The following GALR3 variants were observed in gnomAD, a reference collection of about 807,000 sequenced individuals.
GALR3 encodes the protein galanin receptor 3.
In GALR3, 5 loss-of-function variants were observed where a neutral mutation model predicts 6.9. That is an observed-to-expected ratio of 0.72 (90% CI 0.38 to 1.52). GALR3 has a LOEUF of 1.52. Ranked by LOEUF, GALR3 falls within the 40% of genes most tolerant of loss-of-function variation. GALR3 has a pLI of 0.03. For missense variants in GALR3, 570 were observed against 545.6 expected (o/e 1.04, Z -0.44); for synonymous variants, 308 against 263.6 (o/e 1.17, Z -1.63).
rs201220537 is a variant in GALR3 at position 37,824,853 on chromosome 22, G to C, written c.490G>C (p.Val164Leu). Residue 164 changes from valine to leucine, a missense_variant, in exon 2 of 2, where the codon GTG (valine) becomes CTG (leucine). Val to Leu is a conservative substitution (Grantham distance 32). Coordinates refer to ENST00000249041, the MANE Select transcript of GALR3 (RefSeq NM_003614.2). ...GCCCTACCTCAGCTACTACGGCACC[G>C]TGCGCTACGGCGCGCTGGAGCTCTG... ...SAPYLSYYGT[V>L]RYGALELCVP... 8.0e-4 allele frequency: 1,130 copies of C among 1,414,328 alleles called. 5 individuals are homozygous for C. The Middle Eastern group carries it at 0.011, about 14-fold the overall frequency. 87.6% of individuals were successfully genotyped at this position (1,414,328 alleles called of 1,614,324 possible). A position where few individuals can be genotyped will look rare whatever the true frequency, so the allele number is the denominator to read the frequency against.
In GALR3 at chr22:37,825,422, C is replaced by G. The variant is rs1922586390; in HGVS notation, c.1059C>G (p.Pro353=). ...LLAGGGQGPE[P]REGPVHGGEA... ...CTGGTGGCGGCCAGGGCCCGGAGCC[C>G]AGGGAGGGACCCGTCCACGGCGGAG... The change falls in exon 2 of 2, where the codon CCC becomes CCG. Residue 353 remains proline (P), a synonymous_variant. Coordinates refer to ENST00000249041, the MANE Select transcript of GALR3 (RefSeq NM_003614.2). 1.4e-6 allele frequency: 2 copies of G among 1,397,338 alleles called. No individual in the cohort carries two copies. Among genetic ancestry groups the G allele is most frequent in the Admixed American group, 5.6e-5 (2 of 35,596 alleles). The allele number at this position is 1,397,338 out of a possible 1,614,324, so 86.6% of individuals were successfully genotyped here.
At chr22:37,823,884 G>A (rs1922516880) in intron 1 of GALR3, 119 bp downstream of exon 1, 1 of 646,990 alleles carries the variant, frequency 1.5e-6, no homozygotes, top group Non-Finnish European at 2.6e-6. Flanking sequence ...AAAGGGAGGT[G>A]GGTGGGAGGA....
chr22:37,824,100 T>G (rs1193829475), intron 1 of GALR3, among the ~76,000 whole-genome samples: 1 of 145,018 alleles, frequency 6.9e-6, no homozygotes, highest in African/African-American at 2.7e-5. Flanking sequence ...CGTTCATCAG[T>G]TTTTTTGTTT....
At position 37,823,403 on chromosome 22, in the gene GALR3, G is replaced by A; in HGVS notation, c.-4G>A. 1 of 1,564,500 alleles carries A rather than the reference G, an allele frequency of 6.4e-7. No homozygotes were observed. Among genetic ancestry groups the A allele is most frequent in the Non-Finnish European group, 8.7e-7 (1 of 1,148,486 alleles). The stretch of plus-strand genomic sequence containing the variant: ...CTCTTCCCAGGTGCCCGTCTGATGG[G>A]GAGATGGCTGATGCCCAGAACATTT... On this transcript the variant is annotated 5_prime_UTR_variant, in exon 1 of 2. Transcript: ENST00000249041.
intron 1 of GALR3, among the ~76,000 whole-genome samples, chr22:37,824,160 C>A (rs902298128): frequency 4.0e-5 from 6 of 150,696 alleles, no homozygotes; most frequent in Admixed American, 4.0e-4. Context: ...ACTGCAACCT[C>A]TGCCTCCTGG....
Position 37,824,336 on chromosome 22 carries a change from C to T in GALR3, c.360-387C>T, listed in dbSNP as rs560922742. Among the ~76,000 whole-genome samples the T allele has an allele frequency of 7.2e-5, 11 of 152,168 alleles. No homozygotes were observed. In the South Asian group the frequency reaches 2.3e-3, roughly 32 times the overall value. On this transcript the variant is annotated intron_variant, in intron 1 of 1. Coordinates refer to ENST00000249041, the MANE Select transcript of GALR3 (RefSeq NM_003614.2). ...TCCGCCCGCCTCGGCCTCCCAAGTG[C>T]TGGGATTACAGGCGTGAGCCACCGC...
At position 37,823,511 on chromosome 22, in the gene GALR3, T is replaced by C. The variant is rs1569087377; in HGVS notation, c.105T>C (p.Asn35=). 4 of 1,494,252 alleles carry C rather than the reference T, an allele frequency of 2.7e-6. No individual in the cohort carries two copies. Among genetic ancestry groups the C allele is most frequent in the Non-Finnish European group, 3.6e-6 (4 of 1,106,882 alleles). 92.6% of individuals were successfully genotyped at this position (1,494,252 alleles called of 1,614,324 possible). A position where few individuals can be genotyped will look rare whatever the true frequency, so the allele number is the denominator to read the frequency against. The change falls in exon 1 of 2, where the codon AAT becomes AAC. Residue 35 remains asparagine, a synonymous_variant. Coordinates refer to ENST00000249041, the MANE Select transcript of GALR3 (RefSeq NM_003614.2). ...TCTTCCTGCTGGGCACAGTGGGCAA[T>C]GGGCTGGTGCTGGCAGTGCTCCTGC... is the stretch of plus-strand genomic sequence containing the variant. ...ALIFLLGTVG[N]GLVLAVLLQP...
chr22:37,823,807 C>CGGGGGGGGGCTGGGGGGGGGGGGG, intron 1 of GALR3, 42 bp downstream of exon 1: 2 of 603,996 alleles, frequency 3.3e-6, no homozygotes, highest in East Asian at 3.8e-5. Flanking sequence ...GCTGTGGGGG[C>CGGGGGGGGGCTGGGGGGGGGGGGG]GGGGGTTGGG....
In GALR3 at chr22:37,824,887, C is replaced by T. The variant is rs1214870758; in HGVS notation, c.524C>T (p.Ala175Val). 3 of 1,384,076 alleles carry T rather than the reference C, an allele frequency of 2.2e-6. No individual in the cohort carries two copies. Among genetic ancestry groups the T allele is most frequent in the South Asian group, 3.3e-5 (2 of 60,444 alleles). The allele number at this position is 1,384,076 out of a possible 1,614,324, so 85.7% of individuals were successfully genotyped here. A position where few individuals can be genotyped will look rare whatever the true frequency, so the allele number is the denominator to read the frequency against. The stretch of plus-strand genomic sequence containing the variant: ...GGCGCGCTGGAGCTCTGCGTGCCCG[C>T]CTGGGAGGACGCGCGCCGCCGCGCC... The part of the protein sequence containing the change: ...RYGALELCVP[A>V]WEDARRRALD... Residue 175 changes from alanine to valine, a missense_variant, in exon 2 of 2, where the codon GCC (alanine) becomes GTC (valine). Ala to Val is a moderately conservative substitution (Grantham distance 64). Coordinates refer to ENST00000249041, the MANE Select transcript of GALR3 (RefSeq NM_003614.2).
Position 37,825,098 on chromosome 22 carries a change from GCT to G in GALR3, c.738_739del (p.Cys247LeufsTer93). On this transcript the variant is annotated frameshift_variant, in exon 2 of 2. Coordinates refer to ENST00000249041, the MANE Select transcript of GALR3 (RefSeq NM_003614.2). LOFTEE classifies it low-confidence loss of function (END_TRUNC). ...AMLAVAALYA[L>X]CWGPHHALIL... ...TGCTGGCGGTGGCCGCGCTCTACGC[GCT>G]CTGCTGGGGTCCGCACCACGCGCTC... 7.9e-7 allele frequency: 1 copy of G among 1,272,518 alleles called. No homozygotes were observed. Among genetic ancestry groups the G allele is most frequent in the South Asian group, 2.3e-5 (1 of 42,646 alleles). 78.8% of individuals were successfully genotyped at this position (1,272,518 alleles called of 1,614,324 possible). A position where few individuals can be genotyped will look rare whatever the true frequency, so the allele number is the denominator to read the frequency against.
rs768484823 is a variant in GALR3, at chr22:37,823,472, G to T, written c.66G>T (p.Val22=). Residue 22 remains valine, a synonymous_variant, in exon 1 of 2, where the codon GTG becomes GTT. Transcript: ENST00000249041. ...PGSVGAVAVP[V]VFALIFLLGT... ...GTGTGGGGGCCGTGGCAGTGCCTGT[G>T]GTCTTTGCCCTAATCTTCCTGCTGG... 8.7e-6 allele frequency: 14 copies of T among 1,613,356 alleles called. No individual in the cohort carries two copies. Among genetic ancestry groups the T allele is most frequent in the Non-Finnish European group, 1.1e-5 (13 of 1,179,494 alleles).
Position 37,823,570 on chromosome 22 carries a change from G to T in GALR3, c.164G>T (p.Ser55Ile). 2 of 1,217,688 alleles carry T rather than the reference G, an allele frequency of 1.6e-6. No individual in the cohort carries two copies. Among genetic ancestry groups the T allele is most frequent in the Non-Finnish European group, 2.3e-6 (2 of 874,276 alleles). 75.4% of individuals were successfully genotyped at this position (1,217,688 alleles called of 1,614,324 possible). A position where few individuals can be genotyped will look rare whatever the true frequency, so the allele number is the denominator to read the frequency against. The part of the protein sequence containing the change: ...PGPSAWQEPG[S>I]TTDLFILNLA... ...CCGAGTGCCTGGCAGGAGCCTGGCAGCACCACGGACCTGTTCATCCTCAAC... is the reference window on the plus strand; with the variant it reads ...CCGAGTGCCTGGCAGGAGCCTGGCATCACCACGGACCTGTTCATCCTCAAC... Residue 55 changes from serine (S) to isoleucine (I), a missense_variant, in exon 1 of 2, where the codon AGC becomes ATC. Ser to Ile is a moderately radical substitution (Grantham distance 142). Coordinates refer to ENST00000249041, the MANE Select transcript of GALR3 (RefSeq NM_003614.2).
chr22:37,824,777 C>T lies in GALR3; in HGVS notation c.414C>T (p.Asn138=). 1.5e-6 allele frequency: 2 copies of T among 1,298,078 alleles called. No individual in the cohort carries two copies. Among genetic ancestry groups the T allele is most frequent in the Non-Finnish European group, 2.0e-6 (2 of 1,023,204 alleles). The allele number at this position is 1,298,078 out of a possible 1,614,324, so 80.4% of individuals were successfully genotyped here. The change falls in exon 2 of 2, where the codon AAC becomes AAT. Residue 138 remains asparagine, a synonymous_variant. Coordinates refer to ENST00000249041, the MANE Select transcript of GALR3 (RefSeq NM_003614.2). ...LRSRALRTPR[N]ARAAVGLVWL... ...CGCGCGCCCTGCGCACGCCGCGTAA[C>T]GCCCGCGCCGCAGTGGGGCTGGTGT... is the stretch of plus-strand genomic sequence containing the variant.
At position 37,825,228 on chromosome 22, in the gene GALR3, C is replaced by T; in HGVS notation, c.865C>T (p.Leu289Phe). The part of the protein sequence containing the change: ...LAYANSCLNP[L>F]VYALASRHFR... ...CTACGCCAACTCCTGCCTCAACCCG[C>T]TCGTCTACGCGCTCGCCTCGCGCCA... Residue 289 changes from leucine (L) to phenylalanine (F), a missense_variant, in exon 2 of 2, where the codon CTC (leucine) becomes TTC (phenylalanine). Transcript: ENST00000249041. 1 of 1,466,334 alleles carries T rather than the reference C, an allele frequency of 6.8e-7. No homozygotes were observed. Among genetic ancestry groups the T allele is most frequent in the East Asian group, 2.9e-5 (1 of 34,110 alleles). The allele number at this position is 1,466,334 out of a possible 1,614,324, so 90.8% of individuals were successfully genotyped here.
chr22:37,824,726 C>G lies in GALR3; in HGVS notation c.363C>G (p.Tyr121Ter). ...GCTGACCAGGCGCCCTCCGCAGGTA[C>G]CTGGCCGTGCGGCACCCGCTGCGCT... ...FTLAAVSVDRYLAVRHPLRSR... is the reference protein window; with the variant it reads ...FTLAAVSVDR Residue 121 changes from tyrosine to a stop codon, truncating the protein, a stop_gained, in exon 2 of 2, where the codon TAC (tyrosine) becomes TAG (stop). Coordinates refer to ENST00000249041, the MANE Select transcript of GALR3 (RefSeq NM_003614.2). LOFTEE classifies it low-confidence loss of function (END_TRUNC). The G allele has an allele frequency of 8.2e-7, 1 of 1,220,694 alleles. No individual in the cohort carries two copies. The highest frequency in any genetic ancestry group is 1.0e-6 in the Non-Finnish European group (1 of 980,322). 75.6% of individuals were successfully genotyped at this position (1,220,694 alleles called of 1,614,324 possible).
chr22:37,825,150 T>C lies in GALR3; in HGVS notation c.787T>C (p.Phe263Leu). 1 of 1,477,692 alleles carries C rather than the reference T, an allele frequency of 6.8e-7. No individual in the cohort carries two copies. Among genetic ancestry groups the C allele is most frequent in the Non-Finnish European group, 9.0e-7 (1 of 1,108,872 alleles). The allele number at this position is 1,477,692 out of a possible 1,614,324, so 91.5% of individuals were successfully genotyped here. ...ALILCFWYGR[F>L]AFSPATYACR... is the part of the protein sequence containing the mutation. ...CATCCTGTGCTTCTGGTACGGCCGC[T>C]TCGCCTTCAGCCCGGCCACCTACGC... Residue 263 changes from phenylalanine (F) to leucine (L), a missense_variant, in exon 2 of 2, where the codon TTC (phenylalanine) becomes CTC (leucine). Coordinates refer to ENST00000249041, the MANE Select transcript of GALR3 (RefSeq NM_003614.2).
intron 1 of GALR3, among the ~76,000 whole-genome samples, chr22:37,824,392 A>T (rs1444383019): frequency 6.6e-6 from 1 of 151,706 alleles, no homozygotes; most frequent in Non-Finnish European, 1.5e-5. Context: ...AACTGCCCAC[A>T]CCTGGCCAAG....
chr22:37,823,812 G>A, intron 1 of GALR3, 47 bp downstream of exon 1: 1 of 920,264 alleles, frequency 1.1e-6, no homozygotes, highest in Non-Finnish European at 1.7e-6. Context: ...GGGGGCGGGG[G>A]TTGGGGGAGG....
At position 37,825,130 on chromosome 22, in the gene GALR3, T is replaced by C. The variant is rs776525308; in HGVS notation, c.767T>C (p.Leu256Pro). 4 of 1,453,160 alleles carry C rather than the reference T, an allele frequency of 2.8e-6. No homozygotes were observed. Among genetic ancestry groups the C allele is most frequent in the South Asian group, 1.3e-5 (1 of 79,284 alleles). 90.0% of individuals were successfully genotyped at this position (1,453,160 alleles called of 1,614,324 possible). A position where few individuals can be genotyped will look rare whatever the true frequency, so the allele number is the denominator to read the frequency against. The change falls in exon 2 of 2, where the codon CTG (leucine) becomes CCG (proline). Residue 256 changes from leucine (L) to proline (P), a missense_variant. Leu to Pro is a moderately conservative substitution (Grantham distance 98). Transcript: ENST00000249041. ...LCWGPHHALI[L>P]CFWYGRFAFS... ...TGGGGTCCGCACCACGCGCTCATCCTGTGCTTCTGGTACGGCCGCTTCGCC... is the reference window on the plus strand; with the variant it reads ...TGGGGTCCGCACCACGCGCTCATCCCGTGCTTCTGGTACGGCCGCTTCGCC...
Sources: gnomAD v4.1 joint callset for allele counts (sites outside exome capture counted in the v4.1 genomes callset) on GRCh38, gnomAD v4.1.1 for gene constraint, MANE v1.5 for transcripts, NCBI Gene and HGNC (gene_info 2026-07-23, HGNC 2026-07-21) for gene names.